The following FAM3A variants were observed in gnomAD, a reference collection of about 807,000 sequenced individuals.
FAM3A encodes the protein FAM3 metabolism regulating signaling molecule A.
Under a neutral mutation model 18.1 loss-of-function variants are expected in FAM3A, and 5 were observed. That is an observed-to-expected ratio of 0.28 (90% confidence interval 0.14 to 0.58). FAM3A has a LOEUF of 0.58. Among genes scored for constraint, FAM3A ranks in the 20% least tolerant of loss-of-function variants. FAM3A has a pLI of 0.91. For synonymous variants in FAM3A, 108 were observed against 90.2 expected (o/e 1.20, Z -1.12); for missense variants, 154 against 216.6 (o/e 0.71, Z 1.81).
chrX:154,512,203 G>T, intron 2 of FAM3A: 1 of 243,349 alleles, frequency 4.1e-6, no homozygotes, highest in Non-Finnish European at 7.0e-6. Context: ...GCAACATGGT[G>T]AAACCCCATC....
rs2070171149 is a variant in FAM3A at position 154,515,912 on chromosome X, G to A, written c.-140C>T. The A allele has an allele frequency of 3.3e-6, 2 of 613,193 alleles. No homozygotes were observed. The highest frequency in any genetic ancestry group is 4.4e-5 in the African/African-American group (2 of 45,251). The allele number at this position is 613,193 out of a possible 1,213,427, so 50.5% of individuals were successfully genotyped here. On this transcript the variant is annotated 5_prime_UTR_variant, in exon 1 of 9. Transcript: ENST00000447601. ...GCGGGCGCGATCGGTGCTACGACCT[G>A]TTTGTCCAGCCGCCCGGCCAGGCAG...
chrX:154,512,797 A>G, intron 2 of FAM3A, 26 bp downstream of exon 2: 2 of 1,127,095 alleles, frequency 1.8e-6, no homozygotes, highest in Non-Finnish European at 2.4e-6. Flanking sequence ...CCTCCAGAGA[A>G]GGATAAGGCG....
intron 2 of FAM3A, chrX:154,512,245 T>TAAGAAGAAGAAGAAG (rs1557223095): frequency 2.4e-5 from 1 of 41,311 alleles, no homozygotes; most frequent in Non-Finnish European, 5.2e-5. Context: ...ATAATAATAA[T>TAAGAAGAAGAAGAAG]AATAATAATA....
intron 1 of FAM3A, among the ~76,000 whole-genome samples, chrX:154,513,756 GCT>G (rs781819085): frequency 9.0e-6 from 1 of 110,811 alleles, no homozygotes; most frequent in Admixed American, 9.7e-5. Flanking sequence ...TCTCTAGTTC[GCT>G]CTTTCTCCTG....
intron 1 of FAM3A, among the ~76,000 whole-genome samples, chrX:154,514,573 T>C: frequency 9.0e-6 from 1 of 110,802 alleles, no homozygotes; most frequent in East Asian, 2.8e-4. Context: ...CCGGCTAATT[T>C]TTTTGTATTT....
intron 3 of FAM3A, chrX:154,510,547 A>C (rs1341135036): frequency 1.9e-5 from 2 of 107,043 alleles, no homozygotes; most frequent in African/African-American, 6.8e-5. Flanking sequence ...AAAAAAAAAA[A>C]AAAAAGGTGC....
In FAM3A at chrX:154,507,395, C is replaced by T. The variant is rs1359419547; in HGVS notation, c.470+11G>A. On this transcript the variant is annotated intron_variant, in intron 7 of 8. Transcript: ENST00000447601. Reference sequence around the variant, plus strand: ...AGGGCAAGGCTGAGGCTGGCCTCCCCAAGCACCTACTTGGTGGCTGGGTCG... The same window carrying T: ...AGGGCAAGGCTGAGGCTGGCCTCCCTAAGCACCTACTTGGTGGCTGGGTCG... The T allele has an allele frequency of 8.3e-7, 1 of 1,209,977 alleles. No homozygotes were observed. The highest frequency in any genetic ancestry group is 1.1e-6 in the Non-Finnish European group (1 of 895,077).
At chrX:154,514,650 C>T (rs1357633609) in intron 1 of FAM3A, among the ~76,000 whole-genome samples, 2 of 111,790 alleles carry the variant, frequency 1.8e-5, no homozygotes, top group African/African-American at 3.3e-5. Flanking sequence ...GTGATCCGCC[C>T]GCCTCGGCCT....
chrX:154,507,964 A>C lies in FAM3A; in HGVS notation c.335-103T>G, dbSNP rs1028266798. On this transcript the variant is annotated intron_variant, in intron 5 of 8. Coordinates refer to ENST00000447601, the MANE Select transcript of FAM3A (RefSeq NM_021806.4). ...GGGGGCAGCCCTTCTGGAAGCTTTC[A>C]AACAGTCCCCCAATATTCATCCATT... is the stretch of plus-strand genomic sequence containing the variant. 52 of 689,589 alleles carry C rather than the reference A, an allele frequency of 7.5e-5. No individual in the cohort carries two copies. In the African/African-American group the frequency reaches 1.1e-3, roughly 14 times the overall value. The allele number at this position is 689,589 out of a possible 1,213,427, so 56.8% of individuals were successfully genotyped here. A position where few individuals can be genotyped will look rare whatever the true frequency, so the allele number is the denominator to read the frequency against.
intron 2 of FAM3A, 118 bp from the exon 3 acceptor site, chrX:154,511,989 G>T: frequency 6.7e-6 from 4 of 598,636 alleles, no homozygotes; most frequent in Non-Finnish European, 1.1e-5. Flanking sequence ...GGGGCCGGGG[G>T]CTAAGCCAGG....
intron 3 of FAM3A, chrX:154,509,522 T>A (rs2069749758): frequency 8.9e-6 from 1 of 112,638 alleles, no homozygotes; most frequent in Admixed American, 9.4e-5. Flanking sequence ...AACTGGGTAG[T>A]CAGTAGAGGC....
At chrX:154,508,370 G>GGGGCCCCCCCCC in intron 4 of FAM3A, 23 bp from the exon 5 acceptor site, 1 of 317,086 alleles carries the variant, frequency 3.2e-6, no homozygotes, top group Non-Finnish European at 5.6e-6. Context: ...GGGTGGGGGG[G>GGGGCCCCCCCCC]ACGGGGAGAT....
chrX:154,508,854 A>G (rs2069713410), intron 3 of FAM3A: 1 of 472,171 alleles, frequency 2.1e-6, no homozygotes, highest in African/African-American at 2.4e-5. Flanking sequence ...GGCCTGGGCC[A>G]CTGCACAGCC....
intron 2 of FAM3A, 135 bp downstream of exon 2, chrX:154,512,688 G>A: frequency 4.2e-6 from 2 of 479,556 alleles, no homozygotes; most frequent in South Asian, 3.1e-5. Flanking sequence ...GAGACAGACT[G>A]GGGACAGCCA....
In FAM3A at chrX:154,516,025, C is replaced by G. The variant is rs1202413533; in HGVS notation, c.-253G>C. ...CTCACGATCTTGCCCACAGGAGCCT[C>G]CGGGGCTGGGACGAAGATGTGGTTC... On this transcript the variant is annotated 5_prime_UTR_variant, in exon 1 of 9. Transcript: ENST00000447601. 2.5e-6 allele frequency: 1 copy of G among 404,345 alleles called. No individual in the cohort carries two copies. The highest frequency in any genetic ancestry group is 4.4e-5 in the Admixed American group (1 of 22,919). The allele number at this position is 404,345 out of a possible 1,213,427, so 33.3% of individuals were successfully genotyped here.
Position 154,506,787 on chromosome X carries a change from G to T in FAM3A, c.*24C>A. 8.4e-7 allele frequency: 1 copy of T among 1,191,437 alleles called. No individual in the cohort carries two copies. The highest frequency in any genetic ancestry group is 1.1e-6 in the Non-Finnish European group (1 of 877,892). ...TGCCTCCCTTGGTCTGGCCTCCCTC[G>T]GCCCGGTCCTGGCACTGGCCGTGCT... On this transcript the variant is annotated 3_prime_UTR_variant, in exon 9 of 9. Transcript: ENST00000447601.
rs1557220013 is a variant in FAM3A, at chrX:154,507,853, C to T, written c.343G>A (p.Gly115Ser). 2 of 1,193,270 alleles carry T rather than the reference C, an allele frequency of 1.7e-6. No homozygotes were observed. The highest frequency in any genetic ancestry group is 1.8e-5 in the South Asian group (1 of 54,392). Residue 115 changes from glycine to serine, a missense_variant, in exon 6 of 9, where the codon GGC becomes AGC. Physicochemically the swap from Gly to Ser is moderately conservative, Grantham distance 56 (BLOSUM62 0). This residue lies in a region of FAM3A where 112 missense variants were observed against 160.0 expected (regional missense o/e 0.70). Transcript: ENST00000447601. ...AAGGCCCGGGCCTCGATGAGCTCGC[C>T]GCTGACCCCTGTGTCAGGAGGGAGG... ...LNIALVNGVS[G>S]ELIEARAFDM...
Position 154,506,504 on chromosome X carries a change from G to T in FAM3A, c.*307C>A. 1 of 308,207 alleles carries T rather than the reference G, an allele frequency of 3.2e-6. No homozygotes were observed. 25.4% of individuals were successfully genotyped at this position (308,207 alleles called of 1,213,427 possible). On this transcript the variant is annotated 3_prime_UTR_variant, in exon 9 of 9. Coordinates refer to ENST00000447601, the MANE Select transcript of FAM3A (RefSeq NM_021806.4). Reference sequence around the variant, plus strand: ...CAGGGCCGTTCCAGGACTCAAGATGGGGATGGAGATGGCGTGAGGAATGGA... The same window carrying T: ...CAGGGCCGTTCCAGGACTCAAGATGTGGATGGAGATGGCGTGAGGAATGGA...
At chrX:154,508,447 G>A in intron 4 of FAM3A, 27 bp downstream of exon 4, 1 of 1,196,947 alleles carries the variant, frequency 8.4e-7, no homozygotes, top group Non-Finnish European at 1.1e-6. Flanking sequence ...CTCCCTCCCT[G>A]ATCCCCAGTC....
Sources: allele counts gnomAD v4.1 joint callset (sites outside exome capture counted in the v4.1 genomes callset), GRCh38; gene constraint gnomAD v4.1.1; regional missense constraint gnomAD v4.1.1; transcripts MANE v1.5; gene names NCBI Gene and HGNC (gene_info 2026-07-23, HGNC 2026-07-21).